Variants in IQCK observed in about 807,000 individuals in gnomAD.
IQCK encodes the protein IQ motif containing K.
Under a neutral mutation model 28.1 loss-of-function variants are expected in IQCK, and 29 were observed. That is an observed-to-expected ratio of 1.03 (90% CI 0.77 to 1.41). IQCK has a LOEUF of 1.41. Among genes scored for constraint, IQCK ranks in the 40% most tolerant of loss-of-function variants. IQCK has a pLI of 0.00. For synonymous variants in IQCK, 113 were observed against 115.1 expected (o/e 0.98, Z 0.12); for missense variants, 359 against 314.7 (o/e 1.14, Z -1.07).
At chr16:19,809,357 G>GTAGC (rs1718790642) in intron 7 of IQCK, among the ~76,000 whole-genome samples, 1 of 152,210 alleles carries the variant, frequency 6.6e-6, no homozygotes, top group African/African-American at 2.4e-5. Flanking sequence ...ACTCGATCAT[G>GTAGC]TAGCTACATT....
At chr16:19,721,351 G>A (rs1322030261) in intron 1 of IQCK, among the ~76,000 whole-genome samples, 1 of 152,146 alleles carries the variant, frequency 6.6e-6, no homozygotes, top group Non-Finnish European at 1.5e-5. Context: ...AACCTGACTA[G>A]TGCTCTTTTG....
intron 7 of IQCK, among the ~76,000 whole-genome samples, chr16:19,818,671 G>A (rs1257660710): frequency 1.2e-4 from 19 of 152,128 alleles, no homozygotes; most frequent in Non-Finnish European, 1.5e-5. Context: ...GGGATTACAG[G>A]TGTGAGCCAT....
At position 19,839,062 on chromosome 16, in the gene IQCK, A is replaced by G. The variant is rs549008253; in HGVS notation, c.802+11925A>G. On this transcript the variant is annotated intron_variant, in intron 9 of 9. Coordinates refer to the IQCK transcript ENST00000320394. ...AAAAAAGGAAGCTATTATTGCCTCT[A>G]TCTTTCAGGGGAGGAAACTGTGTCT... Among the ~76,000 whole-genome samples, 4 of 149,690 alleles carry G rather than the reference A, an allele frequency of 2.7e-5. No homozygotes were observed. In the South Asian group the frequency reaches 6.4e-4, roughly 24 times the overall value.
intron 6 of IQCK, among the ~76,000 whole-genome samples, chr16:19,786,474 G>C (rs12920357): frequency 0.01 from 1,470 of 146,954 alleles, 12 homozygotes; most frequent in Non-Finnish European, 0.017. Flanking sequence ...GAGGTGGGTG[G>C]ATCACCAGAG....
intron 9 of IQCK, among the ~76,000 whole-genome samples, chr16:19,855,517 G>A (rs1475636147): frequency 3.9e-5 from 6 of 152,162 alleles, no homozygotes; most frequent in Non-Finnish European, 8.8e-5. Context: ...CCTGCGAGGC[G>A]GAGGTTGCAG....
intron 9 of IQCK, among the ~76,000 whole-genome samples, chr16:19,837,347 G>A (rs557109365): frequency 6.6e-6 from 1 of 152,272 alleles, no homozygotes; most frequent in Non-Finnish European, 1.5e-5. Context: ...GCTTCAGAAA[G>A]CCATGATCAC....
At chr16:19,816,096 A>T (rs1416792304) in intron 7 of IQCK, among the ~76,000 whole-genome samples, 1 of 152,174 alleles carries the variant, frequency 6.6e-6, no homozygotes, top group African/African-American at 2.4e-5. Context: ...GCCTTCCTCC[A>T]GAGCAATTAG....
At chr16:19,803,596 T>G (rs2055789361) in intron 7 of IQCK, among the ~76,000 whole-genome samples, 1 of 152,194 alleles carries the variant, frequency 6.6e-6, no homozygotes, top group Admixed American at 6.5e-5. Flanking sequence ...TCTTTTTAGA[T>G]GAAGAATAAT....
At chr16:19,751,104 G>T (rs2151698991) in intron 4 of IQCK, among the ~76,000 whole-genome samples, 1 of 152,242 alleles carries the variant, frequency 6.6e-6, no homozygotes, top group African/African-American at 2.4e-5. Flanking sequence ...ATTAAGTGGG[G>T]AAGTGATAAT....
At chr16:19,841,816 A>G (rs1024119822) in intron 9 of IQCK, among the ~76,000 whole-genome samples, 12 of 152,086 alleles carry the variant, frequency 7.9e-5, no homozygotes, top group African/African-American at 2.9e-4. Context: ...TAGGTGATCA[A>G]TAATGATCAG....
intron 6 of IQCK, among the ~76,000 whole-genome samples, chr16:19,775,531 A>G (rs542909906): frequency 6.6e-6 from 1 of 152,142 alleles, no homozygotes; most frequent in Non-Finnish European, 1.5e-5. Context: ...AAAGTAGAAA[A>G]TCATAGTATC....
At chr16:19,766,993 C>G (rs1358891532) in intron 6 of IQCK, among the ~76,000 whole-genome samples, 1 of 152,158 alleles carries the variant, frequency 6.6e-6, no homozygotes, top group African/African-American at 2.4e-5. Context: ...CTGCTTGAAT[C>G]CAGGAGGCAG....
chr16:19,757,635 ACTC>A (rs1185370019), intron 4 of IQCK, among the ~76,000 whole-genome samples: 2 of 152,130 alleles, frequency 1.3e-5, no homozygotes, highest in Non-Finnish European at 2.9e-5. Context: ...GTGCCACTGC[ACTC>A]CAGCCTGGGC....
rs907957954 is a variant in IQCK at position 19,761,554 on chromosome 16, C to T, written c.475-2294C>T. On this transcript the variant is annotated intron_variant, in intron 4 of 7. Coordinates refer to ENST00000564186, the Ensembl canonical transcript of IQCK. ...CTCTAGACTGACTTGATTCTTAGCT[C>T]CTGCTATTTTAAAAGAAGACAGAGA... The T allele has an allele frequency of 1.6e-5, 4 of 252,124 alleles. No individual in the cohort carries two copies. The Admixed American group carries it at 1.9e-4, about 12-fold the overall frequency. The allele number at this position is 252,124 out of a possible 1,614,324, so 15.6% of individuals were successfully genotyped here. A position where few individuals can be genotyped will look rare whatever the true frequency, so the allele number is the denominator to read the frequency against.
chr16:19,764,129 G>A lies in IQCK; in HGVS notation c.605+17G>A, dbSNP rs2055193576. On this transcript the variant is annotated intron_variant, in intron 6 of 7. Coordinates refer to ENST00000564186, the Ensembl canonical transcript of IQCK. ...AAAGCAACAGTGAGTATGACACAAG[G>A]CTTTGAATAATTTATTCCTAATTTA... is the stretch of plus-strand genomic sequence containing the variant. 1.3e-6 allele frequency: 2 copies of A among 1,580,398 alleles called. No homozygotes were observed. The highest frequency in any genetic ancestry group is 1.3e-5 in the African/African-American group (1 of 74,246).
intron 4 of IQCK, among the ~76,000 whole-genome samples, chr16:19,742,124 C>T (rs1286169077): frequency 6.6e-6 from 1 of 152,178 alleles, no homozygotes; most frequent in African/African-American, 2.4e-5. Flanking sequence ...CCTCAGTTTC[C>T]TCAACTATTG....
At chr16:19,752,631 G>A (rs1190339943) in intron 4 of IQCK, among the ~76,000 whole-genome samples, 1 of 152,066 alleles carries the variant, frequency 6.6e-6, no homozygotes, top group Non-Finnish European at 1.5e-5. Context: ...TCAGATCATA[G>A]CTCACTGCAG....
Position 19,747,336 on chromosome 16 carries a change from T to C in IQCK, c.474+11886T>C, listed in dbSNP as rs554455628. Among the ~76,000 whole-genome samples the C allele has an allele frequency of 3.9e-5, 6 of 152,232 alleles. No individual in the cohort carries two copies. In the East Asian group the frequency reaches 1.2e-3, roughly 29 times the overall value. On this transcript the variant is annotated intron_variant, in intron 4 of 7. Coordinates refer to ENST00000564186, the Ensembl canonical transcript of IQCK. Reference sequence around the variant, plus strand: ...TATCAGATTAACCCTAGGTTGTTCATAGGGCAGCCAGGCAGGGTTGCTTCA... The same window carrying C: ...TATCAGATTAACCCTAGGTTGTTCACAGGGCAGCCAGGCAGGGTTGCTTCA...
intron 9 of IQCK, among the ~76,000 whole-genome samples, chr16:19,853,774 C>G (rs1162251675): frequency 6.6e-6 from 1 of 152,164 alleles, no homozygotes; most frequent in African/African-American, 2.4e-5. Context: ...GATTAACAGG[C>G]GCCTGCCACC....
Sources: allele counts gnomAD v4.1 joint callset (sites outside exome capture counted in the v4.1 genomes callset), GRCh38; gene constraint gnomAD v4.1.1; transcripts MANE v1.5; gene names NCBI Gene and HGNC (gene_info 2026-07-23, HGNC 2026-07-21).